Variants in RPE observed in about 807,000 individuals in gnomAD.
RPE encodes the protein ribulose-phosphate 3-epimerase.
A neutral mutation model predicts 24.6 loss-of-function variants in RPE; 16 were observed. The ratio of observed to expected loss-of-function variants is 0.65; its 90% CI spans 0.44 to 0.99. The LOEUF (loss-of-function observed/expected upper bound fraction) is 0.99. Among genes scored for constraint, RPE ranks in the 50% least tolerant of loss-of-function variants. The pLI, the probability that RPE is intolerant of heterozygous loss-of-function variation, is 0.00. For missense variants in RPE, 240 were observed against 294.5 expected (o/e 0.81, Z 1.35); for synonymous variants, 93 against 98.4 (o/e 0.94, Z 0.33).
chr2:210,018,977 CTT>C (rs1477606976), intron 5 of RPE, among the ~76,000 whole-genome samples: 2 of 152,174 alleles, frequency 1.3e-5, no homozygotes, highest in Non-Finnish European at 2.9e-5. Flanking sequence ...ACTTCTCCCT[CTT>C]TGTTCTAGCA....
At chr2:210,007,173 G>T (rs1339571547) in intron 1 of RPE, among the ~76,000 whole-genome samples, 1 of 152,204 alleles carries the variant, frequency 6.6e-6, no homozygotes, top group Non-Finnish European at 1.5e-5. Flanking sequence ...TTGTTGTGAG[G>T]TTTTAATGAT....
chr2:210,010,039 T>A (rs948256370), intron 2 of RPE, among the ~76,000 whole-genome samples: 2 of 152,218 alleles, frequency 1.3e-5, no homozygotes, highest in African/African-American at 4.8e-5. Flanking sequence ...AATTATCTTA[T>A]CACCTGTTGA....
intron 2 of RPE, among the ~76,000 whole-genome samples, chr2:210,014,328 A>G (rs2093741298): frequency 6.6e-6 from 1 of 152,044 alleles, no homozygotes; most frequent in Admixed American, 6.5e-5. Context: ...TGACCTCGTG[A>G]TCCACCCGCC....
Position 210,021,674 on chromosome 2 carries a change from C to T in RPE, c.*1883C>T, listed in dbSNP as rs2093858287. 6.6e-6 allele frequency: 1 copy of T among 152,358 alleles called. No individual in the cohort carries two copies. Among genetic ancestry groups the T allele is most frequent in the African/African-American group, 2.4e-5 (1 of 41,390 alleles). 9.4% of individuals were successfully genotyped at this position (152,358 alleles called of 1,614,324 possible). ...TAGTGTCAAATCTCACAGATAAGGC[C>T]AAATGGCCAATATTTTCAGTTATGT... On this transcript the variant is annotated 3_prime_UTR_variant, in exon 6 of 6. Coordinates refer to ENST00000359429, the MANE Select transcript of RPE (RefSeq NM_199229.3).
chr2:210,004,872 TG>T (rs1221164023), intron 1 of RPE, among the ~76,000 whole-genome samples: 6 of 152,178 alleles, frequency 3.9e-5, no homozygotes, highest in Non-Finnish European at 7.4e-5. Context: ...ATCAGAGTTT[TG>T]GGAACAAAAA....
At chr2:210,002,837 A>G in intron 1 of RPE, 54 bp downstream of exon 1, 1 of 1,613,080 alleles carries the variant, frequency 6.2e-7, no homozygotes, top group Non-Finnish European at 8.5e-7. Flanking sequence ...GGATCAGTGC[A>G]CCTTTATTGA....
rs1367473612 is a variant in RPE at position 210,019,721 on chromosome 2, C to G, written c.617C>G (p.Pro206Arg). The change falls in exon 6 of 6, where the codon CCC becomes CGC. Residue 206 changes from proline (P) to arginine (R), a missense_variant. Transcript: ENST00000359429. ...SGSAIMRSED[P>R]RSVINLLRNV... ...AGTGCTATTATGAGGAGTGAAGACCCCAGATCTGTGATCAATCTATTAAGA... is the reference window on the plus strand; with the variant it reads ...AGTGCTATTATGAGGAGTGAAGACCGCAGATCTGTGATCAATCTATTAAGA... 6.2e-7 allele frequency: 1 copy of G among 1,613,402 alleles called. No individual in the cohort carries two copies. Among genetic ancestry groups the G allele is most frequent in the East Asian group, 2.2e-5 (1 of 44,862 alleles).
At chr2:210,007,548 C>CT (rs34497741) in intron 1 of RPE, among the ~76,000 whole-genome samples, 4 of 152,030 alleles carry the variant, frequency 2.6e-5, no homozygotes, top group African/African-American at 9.7e-5. Context: ...AACCTCCCAT[C>CT]TTTTTTTTAC....
chr2:210,016,472 G>C, intron 3 of RPE, 35 bp from the exon 4 acceptor site: 1 of 1,613,866 alleles, frequency 6.2e-7, no homozygotes, highest in African/African-American at 1.3e-5. Context: ...AGAAGTAATT[G>C]TAAATGTGAT....
At chr2:210,008,935 A>T (rs1465030443) in intron 1 of RPE, among the ~76,000 whole-genome samples, 1 of 152,100 alleles carries the variant, frequency 6.6e-6, no homozygotes, top group Non-Finnish European at 1.5e-5. Flanking sequence ...ACCTCAAGTG[A>T]TCTGCCCGCC....
At chr2:210,016,792 G>A in intron 4 of RPE, 151 bp downstream of exon 4, 1 of 1,065,566 alleles carries the variant, frequency 9.4e-7, no homozygotes, top group Non-Finnish European at 1.3e-6. Flanking sequence ...TATAATAAAT[G>A]CTGTAATAGA....
chr2:210,019,765 G>T lies in RPE; in HGVS notation c.661G>T (p.Ala221Ser), dbSNP rs747569751. The T allele has an allele frequency of 1.2e-6, 2 of 1,613,012 alleles. No individual in the cohort carries two copies. The highest frequency in any genetic ancestry group is 1.7e-6 in the Non-Finnish European group (2 of 1,179,276). ...NLLRNVCSEAAQKRSLDR is the reference protein window; with the variant it reads ...NLLRNVCSEASQKRSLDR Reference sequence around the variant, plus strand: ...ATTAAGAAATGTTTGCTCAGAAGCTGCTCAGAAACGTTCTCTTGATCGGTG... The same window carrying T: ...ATTAAGAAATGTTTGCTCAGAAGCTTCTCAGAAACGTTCTCTTGATCGGTG... Residue 221 changes from alanine (A) to serine (S), a missense_variant, in exon 6 of 6, where the codon GCT becomes TCT. By Grantham distance (99) the Ala-to-Ser change is moderately conservative. Coordinates refer to ENST00000359429, the MANE Select transcript of RPE (RefSeq NM_199229.3).
chr2:210,013,973 T>C (rs2093735030), intron 2 of RPE, among the ~76,000 whole-genome samples: 1 of 152,218 alleles, frequency 6.6e-6, no homozygotes, highest in South Asian at 2.1e-4. Flanking sequence ...ATTGACTCCC[T>C]GAACACCATA....
chr2:210,018,049 A>T (rs2093803039), intron 5 of RPE: 1 of 1,218,770 alleles, frequency 8.2e-7, no homozygotes, highest in Admixed American at 2.4e-5. Context: ...CTGGCCCGTA[A>T]GTGGATATTC....
At chr2:210,015,689 C>A (rs951927041) in intron 2 of RPE, among the ~76,000 whole-genome samples, 1 of 152,178 alleles carries the variant, frequency 6.6e-6, no homozygotes, top group African/African-American at 2.4e-5. Flanking sequence ...GTGGCATTTC[C>A]TGGACCTGGA....
chr2:210,016,743 G>A (rs2093777554), intron 4 of RPE, 102 bp downstream of exon 4: 37 of 1,503,124 alleles, frequency 2.5e-5, no homozygotes, highest in Non-Finnish European at 3.4e-5. Context: ...TGTTCTGAAG[G>A]TGAGGAGATG....
Position 210,019,953 on chromosome 2 carries a change from A to G in RPE, c.*162A>G. On this transcript the variant is annotated 3_prime_UTR_variant, in exon 6 of 6. Coordinates refer to ENST00000359429, the MANE Select transcript of RPE (RefSeq NM_199229.3). The stretch of plus-strand genomic sequence containing the variant: ...ATTGTGCAGAATATTCTAAGAGGTC[A>G]GAAATTGGTGTGTATAACTACATTT... 1 of 919,780 alleles carries G rather than the reference A, an allele frequency of 1.1e-6. No individual in the cohort carries two copies. Among genetic ancestry groups the G allele is most frequent in the Non-Finnish European group, 1.6e-6 (1 of 644,486 alleles). The allele number at this position is 919,780 out of a possible 1,614,324, so 57.0% of individuals were successfully genotyped here.
chr2:210,018,284 A>G (rs1575325358), intron 5 of RPE: 5 of 1,488,098 alleles, frequency 3.4e-6, no homozygotes, highest in Non-Finnish European at 2.7e-6. Context: ...ATTCTTTAGA[A>G]CCTACATATT....
intron 3 of RPE, 91 bp from the exon 4 acceptor site, chr2:210,016,413 TAAG>T: frequency 6.3e-7 from 1 of 1,578,976 alleles, no homozygotes; most frequent in Non-Finnish European, 8.6e-7. Flanking sequence ...TTTTAAAAAA[TAAG>T]AACAGATATT....
Sources: gnomAD v4.1 joint callset for allele counts (sites outside exome capture counted in the v4.1 genomes callset) on GRCh38, gnomAD v4.1.1 for gene constraint, MANE v1.5 for transcripts, NCBI Gene and HGNC (gene_info 2026-07-23, HGNC 2026-07-21) for gene names.